Variants in EPHA6 observed in about 807,000 individuals in gnomAD.
EPHA6 encodes the protein EPH receptor A6, also known as ephrin type-A receptor 6.
In EPHA6, 50 loss-of-function variants were observed where a neutral mutation model predicts 112.0. That is an observed-to-expected ratio of 0.45 (90% CI 0.36 to 0.56). The LOEUF is 0.56. Ranked by LOEUF, EPHA6 falls within the 20% of genes least tolerant of loss-of-function variation. The probability of loss-of-function intolerance (pLI) is 0.00; values close to 1 mark genes in which losing one functional copy is unlikely to be tolerated. For synonymous variants in EPHA6, 529 were observed against 490.7 expected (o/e 1.08, Z -1.03); for missense variants, 1,280 against 1,417.4 (o/e 0.90, Z 1.56).
intron 14 of EPHA6, among the ~76,000 whole-genome samples, chr3:97,715,749 T>C (rs2034188612): frequency 6.6e-6 from 1 of 152,204 alleles, no homozygotes; most frequent in African/African-American, 2.4e-5. Context: ...TCTGGGGATA[T>C]AGGGCAGACA....
intron 11 of EPHA6, among the ~76,000 whole-genome samples, chr3:97,560,836 C>T (rs1217951481): frequency 6.6e-6 from 1 of 152,050 alleles, no homozygotes; most frequent in East Asian, 1.9e-4. Flanking sequence ...TTTTTGGCAA[C>T]ATTGCATTGA....
At chr3:97,671,578 T>C (rs570313628) in intron 14 of EPHA6, among the ~76,000 whole-genome samples, 1 of 152,298 alleles carries the variant, frequency 6.6e-6, no homozygotes, top group African/African-American at 2.4e-5. Context: ...TTGATAGAAG[T>C]CAAACATAAT....
chr3:97,121,002 C>T (rs973684821), intron 3 of EPHA6, among the ~76,000 whole-genome samples: 3 of 151,712 alleles, frequency 2.0e-5, no homozygotes, highest in African/African-American at 7.3e-5. Context: ...TGTTACGTTC[C>T]TGCCAAGATC....
At chr3:97,246,824 C>A (rs1467644340) in intron 5 of EPHA6, among the ~76,000 whole-genome samples, 1 of 151,774 alleles carries the variant, frequency 6.6e-6, no homozygotes, top group Non-Finnish European at 1.5e-5. Flanking sequence ...GCTTGAAATT[C>A]TAAAGTTAGA....
At position 97,754,056 on chromosome 3, in the gene EPHA6, T is replaced by C. The variant is rs1016001450; in HGVS notation, c.*5355T>C. 3.3e-5 allele frequency among the ~76,000 whole-genome samples: 5 copies of C among 151,044 alleles called. No homozygotes were observed. The highest frequency in any genetic ancestry group is 4.9e-5 in the African/African-American group (2 of 41,224). The stretch of plus-strand genomic sequence containing the variant: ...GCTTCAAATTAACAATGAGTTTGTA[T>C]AAAATGTATAAAAAATAACATTTAT... On this transcript the variant is annotated 3_prime_UTR_variant, in exon 18 of 18. Transcript: ENST00000389672.
intron 14 of EPHA6, among the ~76,000 whole-genome samples, chr3:97,720,047 G>T (rs1335305105): frequency 2.6e-5 from 4 of 152,150 alleles, no homozygotes; most frequent in Non-Finnish European, 5.9e-5. Flanking sequence ...TCTGAAGTGT[G>T]ACTTATTTCC....
intron 2 of EPHA6, among the ~76,000 whole-genome samples, chr3:96,946,968 G>A (rs1416736271): frequency 6.6e-6 from 1 of 151,200 alleles, no homozygotes; most frequent in Non-Finnish European, 1.5e-5. Context: ...CTGCATAAAT[G>A]TCTTCTTTTG....
intron 7 of EPHA6, among the ~76,000 whole-genome samples, chr3:97,457,249 C>T (rs953257847): frequency 9.2e-5 from 14 of 152,084 alleles, no homozygotes; most frequent in African/African-American, 3.4e-4. Flanking sequence ...AGAGCTCTAG[C>T]TGGTTGTAGA....
Position 97,614,112 on chromosome 3 carries a change from T to TG in EPHA6, c.2574+3258_2574+3259insG, listed in dbSNP as rs2093742946. 3.9e-5 allele frequency among the ~76,000 whole-genome samples: 6 copies of TG among 152,222 alleles called. No homozygotes were observed. In the East Asian group the frequency reaches 7.7e-4, roughly 20 times the overall value. The stretch of plus-strand genomic sequence containing the variant: ...AGAATACTTTAACATTGTTTTTTGT[T>TG]TTTTGTTTTTATTATACTTTAAGTT... On this transcript the variant is annotated intron_variant, in intron 13 of 17. Coordinates refer to ENST00000389672, the MANE Select transcript of EPHA6 (RefSeq NM_001080448.3).
chr3:97,348,514 A>G (rs2083646271), intron 5 of EPHA6, among the ~76,000 whole-genome samples: 1 of 152,002 alleles, frequency 6.6e-6, no homozygotes, highest in East Asian at 1.9e-4. Context: ...TAACTTTTTC[A>G]GGTTACTTGA....
intron 11 of EPHA6, among the ~76,000 whole-genome samples, chr3:97,575,720 A>C (rs2107252617): frequency 6.6e-6 from 1 of 152,310 alleles, no homozygotes; most frequent in South Asian, 2.1e-4. Flanking sequence ...GAAATCACAT[A>C]GGCACATTCG....
intron 3 of EPHA6, among the ~76,000 whole-genome samples, chr3:97,134,758 A>G (rs1021282332): frequency 6.6e-6 from 1 of 152,192 alleles, no homozygotes; most frequent in Admixed American, 6.5e-5. Flanking sequence ...AATGAGTAGA[A>G]TACTACCAAA....
chr3:97,109,204 A>G (rs1427226862), intron 3 of EPHA6, among the ~76,000 whole-genome samples: 3 of 152,190 alleles, frequency 2.0e-5, no homozygotes, highest in Non-Finnish European at 4.4e-5. Context: ...ACTATGCAAT[A>G]ATCACTTTCC....
Position 97,348,244 on chromosome 3 carries a change from A to G in EPHA6, c.1607-56906A>G, listed in dbSNP as rs527255342. 1.4e-3 allele frequency among the ~76,000 whole-genome samples: 211 copies of G among 152,222 alleles called. 2 individuals are homozygous for G. The highest frequency in any genetic ancestry group is 2.9e-3 in the Admixed American group (44 of 15,268). On this transcript the variant is annotated intron_variant, in intron 5 of 17. Coordinates refer to ENST00000389672, the MANE Select transcript of EPHA6 (RefSeq NM_001080448.3). ...TCTTGACAAATATAAATCCAGTAAT[A>G]AAGATGACTCTTAGACTGTGTTGCA...
intron 7 of EPHA6, among the ~76,000 whole-genome samples, chr3:97,456,854 A>G (rs2090706209): frequency 6.6e-6 from 1 of 152,114 alleles, no homozygotes; most frequent in African/African-American, 2.4e-5. Context: ...TACAACCTTG[A>G]ATTCTTAAAG....
At chr3:97,324,809 G>A (rs1418514354) in intron 5 of EPHA6, among the ~76,000 whole-genome samples, 1 of 151,992 alleles carries the variant, frequency 6.6e-6, no homozygotes, top group East Asian at 1.9e-4. Context: ...CAAAGTGCTA[G>A]GATTACAGAC....
chr3:97,370,836 A>C (rs538398286), intron 5 of EPHA6, among the ~76,000 whole-genome samples: 1 of 152,056 alleles, frequency 6.6e-6, no homozygotes, highest in South Asian at 2.1e-4. Flanking sequence ...TTTTCAAAGG[A>C]GAATCTAAAG....
intron 12 of EPHA6, among the ~76,000 whole-genome samples, chr3:97,594,108 A>G (rs2093567443): frequency 6.6e-6 from 1 of 152,224 alleles, no homozygotes; most frequent in Non-Finnish European, 1.5e-5. Flanking sequence ...AGATGAGCAG[A>G]TTGTGTAGAG....
intron 3 of EPHA6, among the ~76,000 whole-genome samples, chr3:97,083,170 C>G (rs1487020307): frequency 2.6e-5 from 4 of 152,022 alleles, no homozygotes; most frequent in Non-Finnish European, 5.9e-5. Context: ...CAGATGCTGC[C>G]TCAAATTCAC....
Sources: allele counts gnomAD v4.1 joint callset (sites outside exome capture counted in the v4.1 genomes callset), GRCh38; gene constraint gnomAD v4.1.1; transcripts MANE v1.5; gene names NCBI Gene and HGNC (gene_info 2026-07-23, HGNC 2026-07-21).